Variants in PUDP observed in about 807,000 individuals in gnomAD.
PUDP encodes the protein pseudouridine 5'-phosphatase, also known as pseudouridine-5'-phosphatase.
PUDP carries 8 observed loss-of-function variants against 9.4 expected under a neutral mutation model. The observed-to-expected ratio is 0.85, with a 90% CI of 0.50 to 1.53. The LOEUF is 1.53. Among genes scored for constraint, PUDP ranks in the 40% most tolerant of loss-of-function variants. The pLI is 0.00. For missense variants in PUDP, 188 were observed against 189.7 expected (o/e 0.99, Z 0.05); for synonymous variants, 99 against 80.7 (o/e 1.23, Z -1.22).
chrX:6,827,658 A>G (rs1307822698), intron 3 of PUDP, among the ~76,000 whole-genome samples: 1 of 111,687 alleles, frequency 9.0e-6, no homozygotes, highest in Non-Finnish European at 1.9e-5. Flanking sequence ...TTGTCAACAA[A>G]TGTGCTTTCC....
At chrX:7,123,512 G>C (rs1002026698) in intron 1 of PUDP, among the ~76,000 whole-genome samples, 19 of 111,648 alleles carry the variant, frequency 1.7e-4, no homozygotes, top group African/African-American at 6.2e-4. Flanking sequence ...GCAGCATGCC[G>C]CACGTAAATC....
intron 1 of PUDP, among the ~76,000 whole-genome samples, chrX:6,979,611 A>C (rs939793944): frequency 6.3e-5 from 7 of 111,974 alleles, no homozygotes; most frequent in African/African-American, 2.3e-4. Context: ...GAAACAGGGC[A>C]CCTAGTTCCT....
intron 1 of PUDP, chrX:6,989,505 T>G (rs904531225): frequency 6.3e-6 from 1 of 159,622 alleles, no homozygotes; most frequent in Admixed American, 5.6e-5. Flanking sequence ...ACTACAACAT[T>G]CAAGAGGAGT....
chrX:6,999,900 A>T (rs922303454), intron 1 of PUDP, among the ~76,000 whole-genome samples: 2 of 111,210 alleles, frequency 1.8e-5, no homozygotes, highest in South Asian at 7.5e-4. Flanking sequence ...AATATTTTTT[A>T]AAAAAGAGAA....
At chrX:6,719,598 C>T (rs1406615599) in intron 1 of PUDP, among the ~76,000 whole-genome samples, 7 of 111,677 alleles carry the variant, frequency 6.3e-5, no homozygotes, top group East Asian at 2.8e-4. Context: ...GGTGGATATC[C>T]CTGTCAATCA....
At chrX:6,869,418 C>T (rs982686449) in intron 3 of PUDP, among the ~76,000 whole-genome samples, 2 of 111,567 alleles carry the variant, frequency 1.8e-5, no homozygotes, top group Non-Finnish European at 3.8e-5. Flanking sequence ...TTTCTTGCGC[C>T]TGGGCTGGCA....
chrX:6,804,357 T>G (rs747991589), intron 3 of PUDP, among the ~76,000 whole-genome samples: 1 of 111,981 alleles, frequency 8.9e-6, no homozygotes, highest in South Asian at 3.7e-4. Context: ...TAGATACAGT[T>G]CTACTCTGTG....
chrX:6,899,642 G>T lies in PUDP; in HGVS notation c.*247+77491C>A, dbSNP rs189918201. Among the ~76,000 whole-genome samples the T allele has an allele frequency of 3.6e-3, 399 of 109,792 alleles. 2 individuals carry two copies. Among genetic ancestry groups the T allele is most frequent in the Non-Finnish European group, 6.4e-3 (336 of 52,717 alleles). ...ACAGTACATTTAAAACACCCTAAAT[G>T]ATTTTAGCTCGTAAAACAAATCTGT... is the stretch of plus-strand genomic sequence containing the variant. On this transcript the variant is annotated intron_variant and NMD_transcript_variant, in intron 3 of 3. Coordinates refer to the PUDP transcript ENST00000655425.
chrX:6,909,681 C>G (rs1927820363), intron 3 of PUDP, among the ~76,000 whole-genome samples: 1 of 111,267 alleles, frequency 9.0e-6, no homozygotes, highest in African/African-American at 3.3e-5. Flanking sequence ...TTAGCTACAC[C>G]TTGGTCTAAA....
At chrX:6,797,852 A>G (rs11095216) in intron 3 of PUDP, among the ~76,000 whole-genome samples, 4,507 of 112,104 alleles carry the variant, frequency 0.04, 219 homozygotes, top group African/African-American at 0.14. Context: ...TATAATCCCC[A>G]ATGCCATCTT....
intron 1 of PUDP, among the ~76,000 whole-genome samples, chrX:7,042,530 C>T (rs1194130340): frequency 8.9e-6 from 1 of 111,771 alleles, no homozygotes; most frequent in Non-Finnish European, 1.9e-5. Flanking sequence ...CATTGAAGAA[C>T]CAACTTCCAC....
intron 1 of PUDP, among the ~76,000 whole-genome samples, chrX:7,017,650 T>G (rs767004059): frequency 8.9e-6 from 1 of 112,134 alleles, no homozygotes; most frequent in Non-Finnish European, 1.9e-5. Context: ...AATTGGATGT[T>G]ATATATGATC....
intron 3 of PUDP, among the ~76,000 whole-genome samples, chrX:6,776,610 T>A (rs1439074883): frequency 8.9e-6 from 1 of 112,012 alleles, no homozygotes; most frequent in Admixed American, 9.5e-5. Context: ...TGGAGGCAGA[T>A]GGTGGTCACT....
chrX:6,900,378 G>A (rs1927660743), intron 3 of PUDP, among the ~76,000 whole-genome samples: 2 of 107,025 alleles, frequency 1.9e-5, no homozygotes, highest in Admixed American at 2.0e-4. Context: ...CACAGATGCT[G>A]TTGAACATCC....
In PUDP at chrX:6,758,074, A is replaced by C. The variant is rs185151986; in HGVS notation, c.*248-51608T>G. 3.4e-3 allele frequency among the ~76,000 whole-genome samples: 387 copies of C among 112,552 alleles called. 1 individual carries two copies. Among genetic ancestry groups the C allele is most frequent in the Middle Eastern group, 9.1e-3 (2 of 219 alleles). On this transcript the variant is annotated intron_variant and NMD_transcript_variant, in intron 3 of 3. Coordinates refer to the PUDP transcript ENST00000655425. ...GAACTGTTGTGGAAAATAATTGTGT[A>C]ATTTTAAAGATGGTTGGGACAATAT...
In PUDP at chrX:7,031,611, A is replaced by AAAAC. The variant is rs201588005; in HGVS notation, c.204+45605_204+45608dup. On this transcript the variant is annotated intron_variant and NMD_transcript_variant, in intron 1 of 3. Coordinates refer to the PUDP transcript ENST00000655425. Reference sequence around the variant, plus strand: ...TTTTAAAGGCTCAATTATATTTTAAAAAACAAACAAACAAACAAACAAACT... The same window carrying AAAAC: ...TTTTAAAGGCTCAATTATATTTTAAAAAACAAACAAACAAACAAACAAACAAACT... Among the ~76,000 whole-genome samples, 158 of 112,445 alleles carry AAAAC rather than the reference A, an allele frequency of 1.4e-3. 1 individual carries two copies. Among genetic ancestry groups the AAAAC allele is most frequent in the African/African-American group, 4.1e-3 (126 of 30,954 alleles).
At chrX:7,073,037 C>T (rs150563688) in intron 3 of PUDP, among the ~76,000 whole-genome samples, 58 of 110,483 alleles carry the variant, frequency 5.2e-4, no homozygotes, top group Non-Finnish European at 7.9e-4. Context: ...CAGGACCTGG[C>T]GTTCGGCACA....
intron 1 of PUDP, among the ~76,000 whole-genome samples, chrX:7,139,457 AAG>A (rs1286868076): frequency 8.9e-6 from 1 of 111,865 alleles, no homozygotes; most frequent in East Asian, 2.8e-4. Context: ...TCCTGGCAGG[AAG>A]ATTTGCTGGA....
chrX:7,006,446 T>G (rs1186752302), intron 1 of PUDP, among the ~76,000 whole-genome samples: 2 of 112,115 alleles, frequency 1.8e-5, no homozygotes, highest in African/African-American at 6.5e-5. Flanking sequence ...ATTAGTGATA[T>G]TGATCAATAT....
Sources: gnomAD v4.1 joint callset for allele counts (sites outside exome capture counted in the v4.1 genomes callset) on GRCh38, gnomAD v4.1.1 for gene constraint, MANE v1.5 for transcripts, NCBI Gene and HGNC (gene_info 2026-07-23, HGNC 2026-07-21) for gene names.